Variants in CDKAL1 observed in about 807,000 individuals in gnomAD.
The protein encoded by CDKAL1 is threonylcarbamoyladenosine tRNA methylthiotransferase.
Under a neutral mutation model 68.2 loss-of-function variants are expected in CDKAL1, and 32 were observed. The ratio of observed to expected loss-of-function variants is 0.47; its 90% CI spans 0.35 to 0.63. CDKAL1 has a LOEUF of 0.63. Ranked by LOEUF, CDKAL1 falls within the 30% of genes least tolerant of loss-of-function variation. CDKAL1 has a pLI of 0.00. For missense variants in CDKAL1, 606 were observed against 696.7 expected (o/e 0.87, Z 1.47); for synonymous variants, 234 against 244.3 (o/e 0.96, Z 0.39).
At chr6:20,790,247 G>A (rs774604924) in intron 8 of CDKAL1, among the ~76,000 whole-genome samples, 10 of 152,108 alleles carry the variant, frequency 6.6e-5, no homozygotes, top group Non-Finnish European at 1.2e-4. Flanking sequence ...ATTGTATGAC[G>A]GATTGTTTAG....
intron 4 of CDKAL1, among the ~76,000 whole-genome samples, chr6:20,633,956 A>G (rs983278331): frequency 2.0e-5 from 3 of 152,224 alleles, no homozygotes; most frequent in Non-Finnish European, 2.9e-5. Context: ...GCTAGGTCAA[A>G]ATCTAGAAGT....
intron 4 of CDKAL1, among the ~76,000 whole-genome samples, chr6:20,628,324 G>A (rs1767521558): frequency 6.6e-6 from 1 of 152,020 alleles, no homozygotes; most frequent in African/African-American, 2.4e-5. Flanking sequence ...TGGATACTTT[G>A]TAGATATTAA....
chr6:20,930,900 G>A (rs954562417), intron 9 of CDKAL1, among the ~76,000 whole-genome samples: 49 of 151,836 alleles, frequency 3.2e-4, no homozygotes, highest in African/African-American at 1.2e-3. Flanking sequence ...ACCTGCCACC[G>A]CGCCCGGCTA....
chr6:20,867,932 G>C (rs985825615), intron 9 of CDKAL1, among the ~76,000 whole-genome samples: 11 of 152,142 alleles, frequency 7.2e-5, no homozygotes, highest in African/African-American at 2.7e-4. Flanking sequence ...AATGGCCAAA[G>C]TACGTATTCC....
At chr6:21,091,705 G>A (rs1562023369) in intron 12 of CDKAL1, among the ~76,000 whole-genome samples, 1 of 152,064 alleles carries the variant, frequency 6.6e-6, no homozygotes, top group Non-Finnish European at 1.5e-5. Context: ...CTAGAATGCT[G>A]GCAGTCACAC....
chr6:20,651,118 G>C (rs1001812419), intron 5 of CDKAL1, among the ~76,000 whole-genome samples: 3 of 151,964 alleles, frequency 2.0e-5, no homozygotes, highest in Admixed American at 1.3e-4. Context: ...AATGGGAATA[G>C]TATTGAATCT....
chr6:20,926,765 A>T (rs561886469), intron 9 of CDKAL1, among the ~76,000 whole-genome samples: 1 of 152,126 alleles, frequency 6.6e-6, no homozygotes, highest in African/African-American at 2.4e-5. Flanking sequence ...GACTTGATAG[A>T]AGGTGTCCAT....
intron 4 of CDKAL1, among the ~76,000 whole-genome samples, chr6:20,620,502 C>G (rs1431631664): frequency 2.0e-5 from 3 of 152,116 alleles, no homozygotes; most frequent in African/African-American, 7.2e-5. Context: ...AGGTGAAGCT[C>G]CAGAGGTTAA....
At chr6:20,840,845 G>C (rs7764980) in intron 8 of CDKAL1, among the ~76,000 whole-genome samples, 146,049 of 152,342 alleles carry the variant, frequency 0.96, 70,023 homozygotes, top group East Asian at 1. Flanking sequence ...ATTTAACAAT[G>C]AAGTCTGGCA....
chr6:20,927,264 A>G (rs552719242), intron 9 of CDKAL1, among the ~76,000 whole-genome samples: 1 of 152,256 alleles, frequency 6.6e-6, no homozygotes, highest in Non-Finnish European at 1.5e-5. Context: ...CCTTGATTGA[A>G]GGCAGGGGAC....
chr6:21,158,496 A>G (rs115620181), intron 13 of CDKAL1, among the ~76,000 whole-genome samples: 40 of 152,320 alleles, frequency 2.6e-4, no homozygotes, highest in Non-Finnish European at 5.4e-4. Flanking sequence ...AAGGGTCATG[A>G]TGAAGCTCCA....
At chr6:20,868,307 C>A (rs1307044173) in intron 9 of CDKAL1, among the ~76,000 whole-genome samples, 2 of 152,212 alleles carry the variant, frequency 1.3e-5, no homozygotes, top group Non-Finnish European at 2.9e-5. Flanking sequence ...ATTGATAACA[C>A]TAAATTTTCA....
intron 5 of CDKAL1, among the ~76,000 whole-genome samples, chr6:20,680,284 C>G (rs1770316805): frequency 6.6e-6 from 1 of 152,194 alleles, no homozygotes; most frequent in African/African-American, 2.4e-5. Flanking sequence ...CCAGGCTGGT[C>G]TCGAACTCCT....
intron 7 of CDKAL1, among the ~76,000 whole-genome samples, chr6:20,771,538 C>T (rs1287153439): frequency 2.0e-5 from 3 of 152,094 alleles, no homozygotes; most frequent in East Asian, 1.9e-4. Flanking sequence ...TGAATTAGCG[C>T]GAGGAGACTT....
chr6:20,843,750 A>G (rs1455272730), intron 8 of CDKAL1, among the ~76,000 whole-genome samples: 1 of 152,200 alleles, frequency 6.6e-6, no homozygotes, highest in Non-Finnish European at 1.5e-5. Flanking sequence ...CAGATTAGGA[A>G]TGGTCAACCA....
chr6:20,572,350 T>C (rs1040590541), intron 4 of CDKAL1, among the ~76,000 whole-genome samples: 1 of 152,164 alleles, frequency 6.6e-6, no homozygotes, highest in African/African-American at 2.4e-5. Context: ...TTTTAATGAG[T>C]ACATTACTTT....
intron 10 of CDKAL1, among the ~76,000 whole-genome samples, chr6:20,961,011 A>G (rs115080796): frequency 0.014 from 2,127 of 152,348 alleles, 40 homozygotes; most frequent in South Asian, 0.056. Context: ...GAGAGGATAC[A>G]TTAAAATCAG....
rs191299522 is a variant in CDKAL1 at position 20,896,163 on chromosome 6, C to T, written c.742+49985C>T. On this transcript the variant is annotated intron_variant, in intron 9 of 15. Coordinates refer to ENST00000274695, the MANE Select transcript of CDKAL1 (RefSeq NM_017774.3). ...GTTGCCAGACTGGAGTGCAGTGGCG[C>T]GATCTTGGCTCACTGCAGCCTCCGC... Among the ~76,000 whole-genome samples the T allele has an allele frequency of 4.5e-3, 619 of 138,848 alleles. 5 individuals carry two copies. Among genetic ancestry groups the T allele is most frequent in the African/African-American group, 0.016 (592 of 36,518 alleles). The allele number at this position is 138,848 out of a possible 152,430, so 91.1% of individuals were successfully genotyped here.
chr6:20,886,485 C>A (rs1220074327), intron 9 of CDKAL1, among the ~76,000 whole-genome samples: 3 of 152,132 alleles, frequency 2.0e-5, no homozygotes, highest in Admixed American at 6.5e-5. Context: ...GTGGAAACAA[C>A]CCAAATGACC....
Sources: gnomAD v4.1 joint callset for allele counts (sites outside exome capture counted in the v4.1 genomes callset) on GRCh38, gnomAD v4.1.1 for gene constraint, MANE v1.5 for transcripts, NCBI Gene and HGNC (gene_info 2026-07-23, HGNC 2026-07-21) for gene names.